MCTP1: variants seen among roughly 807,000 people sequenced by gnomAD.
MCTP1 encodes multiple C2 and transmembrane domain containing 1.
In MCTP1, 69 loss-of-function variants were observed where a neutral mutation model predicts 120.6. The observed-to-expected ratio is 0.57, with a 90% CI of 0.47 to 0.70. The LOEUF (loss-of-function observed/expected upper bound fraction) is 0.70. Among genes scored for constraint, MCTP1 ranks in the 30% least tolerant of loss-of-function variants. The pLI is 0.00. For missense variants in MCTP1, 1,203 were observed against 1,248.8 expected, an observed-to-expected ratio of 0.96 and a Z score of 0.55; for synonymous variants, 529 against 493.1, an observed-to-expected ratio of 1.07 and a Z score of -0.96.
At chr5:95,153,218 A>C (rs1217042836) in intron 1 of MCTP1, among the ~76,000 whole-genome samples, 1 of 152,158 alleles carries the variant, frequency 6.6e-6, no homozygotes, top group Non-Finnish European at 1.5e-5. Flanking sequence ...TGATGGTTTA[A>C]AAATGTTTGG....
chr5:95,149,753 G>A (rs574896678), intron 1 of MCTP1, among the ~76,000 whole-genome samples: 449 of 152,286 alleles, frequency 2.9e-3, no homozygotes, highest in Non-Finnish European at 4.9e-3. Flanking sequence ...GGCTCCCTGC[G>A]GCCTTAAGCG....
At chr5:94,853,588 T>G (rs892756336) in intron 17 of MCTP1, among the ~76,000 whole-genome samples, 4 of 151,894 alleles carry the variant, frequency 2.6e-5, no homozygotes, top group Non-Finnish European at 4.4e-5. Context: ...CAAATTCTCA[T>G]CCAGGTTGTT....
At chr5:95,112,783 A>G (rs1757554851) in intron 1 of MCTP1, among the ~76,000 whole-genome samples, 1 of 152,228 alleles carries the variant, frequency 6.6e-6, no homozygotes, top group African/African-American at 2.4e-5. Flanking sequence ...AGTCAATGAA[A>G]TTAATTACTT....
intron 1 of MCTP1, among the ~76,000 whole-genome samples, chr5:95,083,138 T>G (rs1365877710): frequency 6.6e-6 from 1 of 152,186 alleles, no homozygotes; most frequent in Non-Finnish European, 1.5e-5. Flanking sequence ...CAAAAAATTA[T>G]TTAATAAATG....
intron 6 of MCTP1, chr5:94,931,057 G>C (rs752835040): frequency 4.6e-5 from 7 of 152,036 alleles, no homozygotes; most frequent in Non-Finnish European, 1.0e-4. Flanking sequence ...TACAGTAAGA[G>C]ACACTTGTTC....
chr5:94,705,416 G>A lies in MCTP1; in HGVS notation c.*2080C>T, dbSNP rs1464359226. 6.7e-6 allele frequency: 1 copy of A among 148,858 alleles called. No individual in the cohort carries two copies. Among genetic ancestry groups the A allele is most frequent in the African/African-American group, 2.5e-5 (1 of 40,434 alleles). 9.2% of individuals were successfully genotyped at this position (148,858 alleles called of 1,614,324 possible). A position where few individuals can be genotyped will look rare whatever the true frequency, so the allele number is the denominator to read the frequency against. ...TAAGAGTCAGAGTTTCAGGAAAAAG[G>A]TCTTATTTGTTTAAACCAAATCTGT... is the stretch of plus-strand genomic sequence containing the variant. On this transcript the variant is annotated 3_prime_UTR_variant, in exon 23 of 23. Coordinates refer to ENST00000515393, the MANE Select transcript of MCTP1 (RefSeq NM_024717.7).
At position 95,203,110 on chromosome 5, in the gene MCTP1, T is replaced by G. The variant is rs1751252775; in HGVS notation, c.720+80746A>C. On this transcript the variant is annotated intron_variant, in intron 1 of 22. Transcript: ENST00000515393. ...TTCCTCTGCTTCACCACTTCTATTCTCTGCTTTAGAATCTTGGACTAACAT... is the reference window on the plus strand; with the variant it reads ...TTCCTCTGCTTCACCACTTCTATTCGCTGCTTTAGAATCTTGGACTAACAT... 2.0e-5 allele frequency among the ~76,000 whole-genome samples: 3 copies of G among 152,234 alleles called. No homozygotes were observed. In the South Asian group the frequency reaches 6.2e-4, roughly 31 times the overall value.
At chr5:95,119,383 A>G (rs1321648631) in intron 1 of MCTP1, among the ~76,000 whole-genome samples, 4 of 152,172 alleles carry the variant, frequency 2.6e-5, no homozygotes, top group African/African-American at 9.6e-5. Flanking sequence ...GATACAGCAA[A>G]AGTAGAAGAA....
At chr5:94,996,299 T>C (rs533389434) in intron 2 of MCTP1, among the ~76,000 whole-genome samples, 1 of 152,310 alleles carries the variant, frequency 6.6e-6, no homozygotes, top group Non-Finnish European at 1.5e-5. Flanking sequence ...GATGTAAACT[T>C]GAATGTAAGT....
intron 19 of MCTP1, among the ~76,000 whole-genome samples, chr5:94,754,599 G>A (rs1769300290): frequency 6.6e-6 from 1 of 152,162 alleles, no homozygotes; most frequent in African/African-American, 2.4e-5. Flanking sequence ...TAAAGAAGAT[G>A]GAGGATCAAA....
chr5:95,082,321 G>T (rs1403474082), intron 1 of MCTP1, among the ~76,000 whole-genome samples: 1 of 152,136 alleles, frequency 6.6e-6, no homozygotes, highest in Non-Finnish European at 1.5e-5. Flanking sequence ...AATTTTACAT[G>T]CTTTCTCCAC....
chr5:94,806,139 G>A (rs1782230486), intron 17 of MCTP1, among the ~76,000 whole-genome samples: 2 of 151,660 alleles, frequency 1.3e-5, no homozygotes, highest in African/African-American at 2.4e-5. Flanking sequence ...CATCTTACAC[G>A]ACTCTGAATA....
intron 18 of MCTP1, among the ~76,000 whole-genome samples, chr5:94,785,369 T>C (rs1230356834): frequency 6.6e-6 from 1 of 152,106 alleles, no homozygotes; most frequent in African/African-American, 2.4e-5. Context: ...AATCTTGGTG[T>C]CTTTAGGATA....
In MCTP1 at chr5:94,893,296, T is replaced by C. The variant is rs762182448; in HGVS notation, c.1839+1353A>G. Among the ~76,000 whole-genome samples the C allele has an allele frequency of 1.7e-4, 26 of 152,300 alleles. 2 individuals are homozygous for C. Among genetic ancestry groups the C allele is most frequent in the African/African-American group, 1.9e-4 (8 of 41,560 alleles). ...TATCAAAATATTAATCCATCAACTA[T>C]AGTATAATGCCTAGAAGAATTTTTA... is the stretch of plus-strand genomic sequence containing the variant. On this transcript the variant is annotated intron_variant, in intron 11 of 22. Coordinates refer to ENST00000515393, the MANE Select transcript of MCTP1 (RefSeq NM_024717.7).
Position 94,731,282 on chromosome 5 carries a change from C to T in MCTP1, c.2611-16396G>A, listed in dbSNP as rs565239952. Among the ~76,000 whole-genome samples the T allele has an allele frequency of 5.3e-5, 8 of 152,164 alleles. No individual in the cohort carries two copies. The East Asian group carries it at 1.2e-3, about 22-fold the overall frequency. On this transcript the variant is annotated intron_variant, in intron 19 of 22. Coordinates refer to ENST00000515393, the MANE Select transcript of MCTP1 (RefSeq NM_024717.7). ...CAAGACAATTCTTCTTCCATTGTGG[C>T]CCAGGGAAGTCAAAAGATTGGACAC...
chr5:95,142,486 C>T (rs888909611), intron 1 of MCTP1, among the ~76,000 whole-genome samples: 1 of 152,162 alleles, frequency 6.6e-6, no homozygotes, highest in Non-Finnish European at 1.5e-5. Context: ...TCCCTGCAGA[C>T]ATATGTGATC....
chr5:95,061,408 G>GTTTTTTTT (rs556663513), intron 1 of MCTP1, among the ~76,000 whole-genome samples: 4 of 33,486 alleles, frequency 1.2e-4, no homozygotes, highest in African/African-American at 3.9e-4. Context: ...CCCCTTAAGG[G>GTTTTTTTT]TTTTTTTTTT....
chr5:94,750,694 G>A (rs1420312125), intron 19 of MCTP1, among the ~76,000 whole-genome samples: 4 of 152,204 alleles, frequency 2.6e-5, no homozygotes, highest in African/African-American at 9.7e-5. Flanking sequence ...TGGATCGACA[G>A]ATAGTATAAG....
intron 17 of MCTP1, among the ~76,000 whole-genome samples, chr5:94,821,367 T>C (rs760501241): frequency 3.3e-5 from 5 of 152,172 alleles, no homozygotes; most frequent in Non-Finnish European, 5.9e-5. Context: ...ATGTATCTGA[T>C]AGGGTTTCCC....
Sources: gnomAD v4.1 joint callset for allele counts (sites outside exome capture counted in the v4.1 genomes callset) on GRCh38, gnomAD v4.1.1 for gene constraint, MANE v1.5 for transcripts, NCBI Gene and HGNC (gene_info 2026-07-23, HGNC 2026-07-21) for gene names.